MRGBP: variants seen among roughly 807,000 people sequenced by gnomAD.
MRGBP encodes the protein MRG domain binding protein, also known as MRG/MORF4L-binding protein.
A neutral mutation model predicts 21.5 loss-of-function variants in MRGBP; 5 were observed. The ratio of observed to expected loss-of-function variants is 0.23; its 90% CI spans 0.12 to 0.49. The LOEUF (loss-of-function observed/expected upper bound fraction) is 0.49. Among genes scored for constraint, MRGBP ranks in the 20% least tolerant of loss-of-function variants. The probability of loss-of-function intolerance (pLI) is 0.98; values close to 1 mark genes in which losing one functional copy is unlikely to be tolerated. For missense variants in MRGBP, 227 were observed against 277.4 expected (o/e 0.82, Z 1.29); for synonymous variants, 118 against 104.4 (o/e 1.13, Z -0.79).
chr20:62,799,513 A>G lies in MRGBP; in HGVS notation c.485A>G (p.Glu162Gly), dbSNP rs762315674. 1 of 1,613,958 alleles carries G rather than the reference A, an allele frequency of 6.2e-7. No homozygotes were observed. The highest frequency in any genetic ancestry group is 1.1e-5 in the South Asian group (1 of 91,088). ...TCAGAAAAATCCAGCAAAGACAAAG[A>G]GAAGAACTCCTCAGACTTGGGGTGC... Reference protein sequence around the residue: ...KASEKSSKDKEKNSSDLGCKE... With the variant: ...KASEKSSKDKGKNSSDLGCKE... Residue 162 changes from glutamate to glycine, a missense_variant, in exon 5 of 5, where the codon GAG becomes GGG. Coordinates refer to ENST00000370487, the MANE Select transcript of MRGBP (RefSeq NM_018270.6).
chr20:62,797,159 G>A lies in MRGBP; in HGVS notation c.198G>A (p.Gln66=). ...HMICIRDKFS[Q]NIGRQVPSKV... is the part of the protein sequence containing the mutation. ...TTTGTATTCGGGACAAGTTCAGCCAGAACATCGGGCGGCAGGTCCCATCCA... is the reference window on the plus strand; with the variant it reads ...TTTGTATTCGGGACAAGTTCAGCCAAAACATCGGGCGGCAGGTCCCATCCA... Residue 66 remains glutamine (Q), a synonymous_variant, in exon 2 of 5, where the codon CAG becomes CAA. Transcript: ENST00000370487. 1 of 1,607,384 alleles carries A rather than the reference G, an allele frequency of 6.2e-7. No homozygotes were observed. The highest frequency in any genetic ancestry group is 8.5e-7 in the Non-Finnish European group (1 of 1,178,076).
chr20:62,798,893 C>A, intron 3 of MRGBP, 82 bp from the exon 4 acceptor site: 1 of 1,597,776 alleles, frequency 6.3e-7, no homozygotes. Flanking sequence ...CAGCAAGCGT[C>A]GGAGCAGTCC....
At chr20:62,796,754 C>T in intron 1 of MRGBP, 83 bp downstream of exon 1, 1 of 1,142,328 alleles carries the variant, frequency 8.8e-7, no homozygotes. Flanking sequence ...GCGACACCCT[C>T]GCCCCCACGC....
Position 62,799,834 on chromosome 20 carries a change from T to C in MRGBP, c.*191T>C. On this transcript the variant is annotated 3_prime_UTR_variant, in exon 5 of 5. Transcript: ENST00000370487. The stretch of plus-strand genomic sequence containing the variant: ...AAACGTGTGTGTCAGTTGGACCATG[T>C]GGGACCCTGATGGACCTGAAAGACC... 1 of 614,504 alleles carries C rather than the reference T, an allele frequency of 1.6e-6. No homozygotes were observed. The highest frequency in any genetic ancestry group is 2.8e-5 in the East Asian group (1 of 35,842). The allele number at this position is 614,504 out of a possible 1,614,324, so 38.1% of individuals were successfully genotyped here.
intron 2 of MRGBP, among the ~76,000 whole-genome samples, chr20:62,797,568 A>C (rs1405029159): frequency 4.6e-5 from 7 of 152,214 alleles, no homozygotes; most frequent in Non-Finnish European, 1.0e-4. Flanking sequence ...TCTGCTTTAG[A>C]CTGGGTGCTG....
At chr20:62,796,723 G>A (rs999075134) in intron 1 of MRGBP, 52 bp downstream of exon 1, 30 of 1,220,056 alleles carry the variant, frequency 2.5e-5, no homozygotes, top group East Asian at 1.2e-4. Context: ...CAACCGGCGG[G>A]GCGGGGCGGG....
chr20:62,798,633 T>A lies in MRGBP; in HGVS notation c.317T>A (p.Val106Asp). Residue 106 changes from valine to aspartate, a missense_variant, in exon 3 of 5, where the codon GTC becomes GAC. This residue lies in a region of MRGBP where 162 missense variants were observed against 227.7 expected (regional missense o/e 0.71). Transcript: ENST00000370487. ...TTCCCGAATCCAGAGAGGAACTTCG[T>A]CCTTCCAGAAGAGATCATTCAGGAG... ...LPFPNPERNF[V>D]LPEEIIQEVR... 2.5e-6 allele frequency: 4 copies of A among 1,613,816 alleles called. No individual in the cohort carries two copies. The highest frequency in any genetic ancestry group is 3.4e-6 in the Non-Finnish European group (4 of 1,179,934).
Position 62,797,210 on chromosome 20 carries a change from C to A in MRGBP, c.249C>A (p.Thr83=). Residue 83 remains threonine (T), a synonymous_variant, in exon 2 of 5, where the codon ACC becomes ACA. Coordinates refer to ENST00000370487, the MANE Select transcript of MRGBP (RefSeq NM_018270.6). ...PSKVIWDHLS[T]MYDMQALHES... ...AGGTCATCTGGGACCATCTGAGCAC[C>A]ATGTACGACATGCAGGCGCTGGTGA... is the stretch of plus-strand genomic sequence containing the variant. The A allele has an allele frequency of 6.3e-7, 1 of 1,595,234 alleles. No individual in the cohort carries two copies.
chr20:62,797,055 C>T, intron 1 of MRGBP, 55 bp from the exon 2 acceptor site: 1 of 1,545,566 alleles, frequency 6.5e-7, no homozygotes, highest in Non-Finnish European at 8.7e-7. Flanking sequence ...CCGTCCCCTC[C>T]ATCCCCTTTC....
intron 2 of MRGBP, 98 bp downstream of exon 2, chr20:62,797,329 T>C (rs1990360082): frequency 6.4e-6 from 9 of 1,400,074 alleles, no homozygotes; most frequent in Non-Finnish European, 8.4e-6. Context: ...CCCCTCCATG[T>C]CTGCTGGGGT....
At chr20:62,797,057 T>A in intron 1 of MRGBP, 53 bp from the exon 2 acceptor site, 13 of 1,323,060 alleles carry the variant, frequency 9.8e-6, no homozygotes, top group East Asian at 3.7e-5. Flanking sequence ...GTCCCCTCCA[T>A]CCCCTTTCTC....
rs533766953 is a variant in MRGBP, at chr20:62,798,728, A to G, written c.352+60A>G. On this transcript the variant is annotated intron_variant, in intron 3 of 4. Transcript: ENST00000370487. ...AAAAGGCCAGACCCTGGCCAAGGGC[A>G]GGGAGGTGAGGGTGAGGACCCCGGG... The G allele has an allele frequency of 4.8e-4, 760 of 1,599,538 alleles. 6 individuals are homozygous for G. The African/African-American group carries it at 9.4e-3, about 20-fold the overall frequency.
In MRGBP at chr20:62,799,448, T is replaced by A; in HGVS notation, c.428-8T>A. 6.2e-7 allele frequency: 1 copy of A among 1,602,306 alleles called. No homozygotes were observed. The highest frequency in any genetic ancestry group is 1.7e-4 in the Middle Eastern group (1 of 6,002). On this transcript the variant is annotated splice_polypyrimidine_tract_variant and splice_region_variant and intron_variant, in intron 4 of 4. Transcript: ENST00000370487. ...CTGTTTTCAGCCAAGTGATTTTTCG[T>A]TTCTCAGTTTTTTCATCTTCAGGGA...
chr20:62,799,091 C>T (rs757988911), intron 4 of MRGBP, 42 bp downstream of exon 4: 1 of 1,570,544 alleles, frequency 6.4e-7, no homozygotes, highest in African/African-American at 1.3e-5. Context: ...CTTTGGGGCT[C>T]AGCACCCCAA....
chr20:62,799,720 A>C lies in MRGBP; in HGVS notation c.*77A>C. On this transcript the variant is annotated 3_prime_UTR_variant, in exon 5 of 5. Transcript: ENST00000370487. ...AGGGGGTTGGCTGGGTCTGAGTGCC[A>C]CCCCCCAGGCCACAGTGATACCATC... 3 of 1,466,510 alleles carry C rather than the reference A, an allele frequency of 2.0e-6. No individual in the cohort carries two copies. The highest frequency in any genetic ancestry group is 2.6e-5 in the South Asian group (2 of 78,366). The allele number at this position is 1,466,510 out of a possible 1,614,324, so 90.8% of individuals were successfully genotyped here. A position where few individuals can be genotyped will look rare whatever the true frequency, so the allele number is the denominator to read the frequency against.
At chr20:62,798,225 G>A (rs1322350593) in intron 2 of MRGBP, among the ~76,000 whole-genome samples, 1 of 152,172 alleles carries the variant, frequency 6.6e-6, no homozygotes, top group African/African-American at 2.4e-5. Flanking sequence ...CTTGGGGAAC[G>A]CAGTCTCATG....
rs929069198 is a variant in MRGBP, at chr20:62,801,343, CAT to C, written c.*1702_*1703del. ...GCAGGCATCTGGAGGGCCCCACACA[CAT>C]AGACCAAAGGACTGAGCCCGCCTGG... On this transcript the variant is annotated 3_prime_UTR_variant, in exon 5 of 5. Coordinates refer to ENST00000370487, the MANE Select transcript of MRGBP (RefSeq NM_018270.6). 1.3e-5 allele frequency: 2 copies of C among 152,320 alleles called. No individual in the cohort carries two copies. The highest frequency in any genetic ancestry group is 2.4e-5 in the African/African-American group (1 of 41,450). 9.4% of individuals were successfully genotyped at this position (152,320 alleles called of 1,614,324 possible).
Position 62,801,249 on chromosome 20 carries a change from C to T in MRGBP, c.*1606C>T, listed in dbSNP as rs1339983467. The T allele has an allele frequency of 6.6e-6, 1 of 152,216 alleles. No individual in the cohort carries two copies. The allele number at this position is 152,216 out of a possible 1,614,324, so 9.4% of individuals were successfully genotyped here. A position where few individuals can be genotyped will look rare whatever the true frequency, so the allele number is the denominator to read the frequency against. ...AGGGTAGAGCAGCTGCCTGGGGGGA[C>T]CCTGTGGGTCCCTTTTCTATAGAGC... is the stretch of plus-strand genomic sequence containing the variant. On this transcript the variant is annotated 3_prime_UTR_variant, in exon 5 of 5. Transcript: ENST00000370487.
chr20:62,798,540 G>A, intron 2 of MRGBP, 47 bp from the exon 3 acceptor site: 6 of 1,524,958 alleles, frequency 3.9e-6, no homozygotes, highest in Non-Finnish European at 5.5e-6. Context: ...TCTTGAAACT[G>A]CATCTTCACC....
Sources: gnomAD v4.1 joint callset for allele counts (sites outside exome capture counted in the v4.1 genomes callset) on GRCh38, gnomAD v4.1.1 for gene constraint, gnomAD v4.1.1 regional missense constraint, MANE v1.5 for transcripts, NCBI Gene and HGNC (gene_info 2026-07-23, HGNC 2026-07-21) for gene names.